The following NREP variants were observed in gnomAD, a reference collection of about 807,000 sequenced individuals.
NREP encodes the protein neuronal regeneration-related protein.
A neutral mutation model predicts 8.6 loss-of-function variants in NREP; 5 were observed. The ratio of observed to expected loss-of-function variants is 0.58; its 90% CI spans 0.30 to 1.22. NREP has a LOEUF of 1.22. Among genes scored for constraint, NREP ranks in the 50% most tolerant of loss-of-function variants. The probability of loss-of-function intolerance (pLI) is 0.07; values close to 1 mark genes in which losing one functional copy is unlikely to be tolerated. For synonymous variants in NREP, 27 were observed against 28.0 expected (o/e 0.96, Z 0.11); for missense variants, 86 against 82.5 (o/e 1.04, Z -0.17).
At chr5:111,824,163 G>T (rs373192428) in intron 2 of NREP, among the ~76,000 whole-genome samples, 2 of 152,312 alleles carry the variant, frequency 1.3e-5, no homozygotes, top group South Asian at 2.1e-4. Context: ...GAGGTCAGGA[G>T]ATCAAGGCCA....
At chr5:111,920,477 G>A (rs1453469245) in intron 2 of NREP, among the ~76,000 whole-genome samples, 7 of 152,018 alleles carry the variant, frequency 4.6e-5, no homozygotes, top group East Asian at 3.9e-4. Flanking sequence ...GGTGTCAGCC[G>A]AAGTTCTTAG....
chr5:111,740,730 A>G (rs1339640634), intron 2 of NREP, among the ~76,000 whole-genome samples: 2 of 152,152 alleles, frequency 1.3e-5, no homozygotes, highest in Non-Finnish European at 2.9e-5. Context: ...TCATTTCAAA[A>G]TTTGCTATTT....
chr5:111,957,185 T>C (rs1374877628), intron 2 of NREP, among the ~76,000 whole-genome samples: 1 of 151,222 alleles, frequency 6.6e-6, no homozygotes, highest in Non-Finnish European at 1.5e-5. Flanking sequence ...AGAGAGAAAA[T>C]ACACAAATTA....
intron 2 of NREP, among the ~76,000 whole-genome samples, chr5:111,747,730 T>C (rs192245010): frequency 2.0e-4 from 30 of 152,244 alleles, no homozygotes; most frequent in Non-Finnish European, 3.5e-4. Context: ...CCACGTTCTC[T>C]TATGTTATTT....
chr5:111,768,000 A>T (rs1447793200), intron 2 of NREP, among the ~76,000 whole-genome samples: 2 of 152,178 alleles, frequency 1.3e-5, no homozygotes, highest in Non-Finnish European at 2.9e-5. Context: ...TAATGCACCT[A>T]TTTAAAATTC....
chr5:111,751,075 A>T (rs889047264), intron 2 of NREP, among the ~76,000 whole-genome samples: 4 of 152,250 alleles, frequency 2.6e-5, no homozygotes, highest in African/African-American at 9.6e-5. Context: ...ATTAAGAATG[A>T]ATTAAAAAAA....
intron 2 of NREP, among the ~76,000 whole-genome samples, chr5:111,884,936 G>A (rs1259154763): frequency 3.3e-5 from 5 of 152,096 alleles, no homozygotes; most frequent in Non-Finnish European, 7.4e-5. Context: ...GCCCTCCCTT[G>A]CCACTCCTAT....
At chr5:111,902,538 G>T (rs1754671500) in intron 2 of NREP, among the ~76,000 whole-genome samples, 1 of 152,146 alleles carries the variant, frequency 6.6e-6, no homozygotes, top group South Asian at 2.1e-4. Context: ...CTACCACGAG[G>T]TAGAAAGAAG....
At chr5:111,934,088 G>A (rs1387991840) in intron 2 of NREP, among the ~76,000 whole-genome samples, 1 of 152,044 alleles carries the variant, frequency 6.6e-6, no homozygotes, top group Admixed American at 6.6e-5. Flanking sequence ...TGCAGAGGAG[G>A]GAATGAGCAG....
At chr5:111,861,285 T>C (rs532711360) in intron 2 of NREP, among the ~76,000 whole-genome samples, 2 of 152,264 alleles carry the variant, frequency 1.3e-5, no homozygotes, top group Admixed American at 1.3e-4. Flanking sequence ...AAGCAGTGGC[T>C]GCCCAGGTCT....
At chr5:111,894,340 T>C (rs991174376) in intron 2 of NREP, among the ~76,000 whole-genome samples, 1 of 152,132 alleles carries the variant, frequency 6.6e-6, no homozygotes, top group African/African-American at 2.4e-5. Flanking sequence ...TAATGTACAA[T>C]TTTATTGTTT....
chr5:111,744,431 T>A (rs920354606), intron 2 of NREP, among the ~76,000 whole-genome samples: 2 of 152,118 alleles, frequency 1.3e-5, no homozygotes, highest in East Asian at 1.9e-4. Flanking sequence ...GACTTTTTTT[T>A]AAAGAAGAAA....
intron 2 of NREP, among the ~76,000 whole-genome samples, chr5:111,881,530 A>G (rs957024745): frequency 6.6e-6 from 1 of 152,176 alleles, no homozygotes; most frequent in African/African-American, 2.4e-5. Flanking sequence ...TGCCTCCTCA[A>G]GTGGGTCCCT....
At chr5:111,908,741 G>T (rs760601035) in intron 2 of NREP, among the ~76,000 whole-genome samples, 1 of 151,908 alleles carries the variant, frequency 6.6e-6, no homozygotes, top group Non-Finnish European at 1.5e-5. Context: ...AAACATACAC[G>T]TGAATGTATC....
intron 2 of NREP, among the ~76,000 whole-genome samples, chr5:111,943,472 A>T (rs1022022319): frequency 2.0e-5 from 3 of 152,024 alleles, no homozygotes; most frequent in Non-Finnish European, 4.4e-5. Flanking sequence ...TCTTAAACCT[A>T]TATCTCTAGC....
At chr5:111,953,313 T>G (rs985785421) in intron 2 of NREP, among the ~76,000 whole-genome samples, 1 of 152,128 alleles carries the variant, frequency 6.6e-6, no homozygotes, top group African/African-American at 2.4e-5. Flanking sequence ...AACATGGCAG[T>G]GGGCATGGGA....
rs536336883 is a variant in NREP at position 111,832,006 on chromosome 5, C to G, written c.136-96499G>C. Among the ~76,000 whole-genome samples the G allele has an allele frequency of 3.3e-5, 5 of 152,192 alleles. No individual in the cohort carries two copies. In the South Asian group the frequency reaches 1.0e-3, roughly 32 times the overall value. The stretch of plus-strand genomic sequence containing the variant: ...AGGGTCTCTATGAGTGTTATAAGAA[C>G]GCTTTCTACCTTCTGGATGTATTGG... On this transcript the variant is annotated intron_variant, in intron 2 of 3. Transcript: ENST00000395634.
At chr5:111,834,536 T>G (rs1425611321) in intron 2 of NREP, among the ~76,000 whole-genome samples, 1 of 152,204 alleles carries the variant, frequency 6.6e-6, no homozygotes, top group East Asian at 1.9e-4. Flanking sequence ...AACAAACTAT[T>G]TTACACTCTC....
intron 2 of NREP, among the ~76,000 whole-genome samples, chr5:111,875,635 T>G (rs1342217455): frequency 6.6e-6 from 1 of 152,136 alleles, no homozygotes; most frequent in African/African-American, 2.4e-5. Context: ...AAAAACATCA[T>G]TCAGAAACAA....
Sources: gnomAD v4.1 joint callset for allele counts (sites outside exome capture counted in the v4.1 genomes callset) on GRCh38, gnomAD v4.1.1 for gene constraint, MANE v1.5 for transcripts, NCBI Gene and HGNC (gene_info 2026-07-23, HGNC 2026-07-21) for gene names.